Variants in ADA observed in about 807,000 individuals in gnomAD.
ADA encodes the protein adenosine deaminase.
In ADA, 45 loss-of-function variants were observed where a neutral mutation model predicts 49.0. The observed-to-expected ratio is 0.92, with a 90% CI of 0.72 to 1.18. ADA has a LOEUF of 1.18. ADA is among the 50% of genes most tolerant of loss of function. The probability of loss-of-function intolerance (pLI) is 0.00; values close to 1 mark genes in which losing one functional copy is unlikely to be tolerated. For synonymous variants in ADA, 173 were observed against 184.2 expected (o/e 0.94, Z 0.49); for missense variants, 445 against 472.5 (o/e 0.94, Z 0.54).
intron 3 of ADA, 92 bp downstream of exon 3, chr20:44,628,955 A>G: frequency 1.3e-6 from 2 of 1,590,830 alleles, no homozygotes; most frequent in Non-Finnish European, 1.7e-6. Flanking sequence ...TTTCAGAGCA[A>G]CTTCTCTGGC....
chr20:44,642,998 G>A (rs2065552230), intron 1 of ADA, among the ~76,000 whole-genome samples: 1 of 152,148 alleles, frequency 6.6e-6, no homozygotes, highest in South Asian at 2.1e-4. Flanking sequence ...CGCGTTTCAG[G>A]TGTGGAGCAG....
Position 44,624,196 on chromosome 20 carries a change from A to C in ADA, c.606+6T>G. On this transcript the variant is annotated splice_donor_region_variant and intron_variant, in intron 6 of 11. Transcript: ENST00000372874. ...CAGCCTCTCCATTCCTTCTCACAGG[A>C]CCCACCTGGTAGGCCTGGACATGTC... 6.2e-7 allele frequency: 1 copy of C among 1,608,738 alleles called. No individual in the cohort carries two copies. Among genetic ancestry groups the C allele is most frequent in the Non-Finnish European group, 8.5e-7 (1 of 1,177,392 alleles).
chr20:44,646,966 AGTT>A (rs2065598017), intron 1 of ADA, among the ~76,000 whole-genome samples: 1 of 152,062 alleles, frequency 6.6e-6, no homozygotes, highest in African/African-American at 2.4e-5. Flanking sequence ...TAATAAGTGA[AGTT>A]AATAATAGGA....
At chr20:44,621,301 C>T (rs894189073) in intron 9 of ADA, among the ~76,000 whole-genome samples, 154 bp from the exon 10 acceptor site, 42 of 152,310 alleles carry the variant, frequency 2.8e-4, no homozygotes, top group African/African-American at 1.0e-3. Flanking sequence ...AAATTCAGAA[C>T]TTAGGTGACT....
At chr20:44,641,361 A>G (rs8119756) in intron 1 of ADA, among the ~76,000 whole-genome samples, 12,556 of 152,236 alleles carry the variant, frequency 0.082, 680 homozygotes, top group East Asian at 0.16. Flanking sequence ...GGTAGAATCC[A>G]CATGGGAATA....
At chr20:44,627,183 C>CTTT (rs35587028) in intron 3 of ADA, among the ~76,000 whole-genome samples, 1,504 of 140,680 alleles carry the variant, frequency 0.011, 31 homozygotes, top group African/African-American at 0.038. Context: ...ACCACCTTAT[C>CTTT]TTTTTTTTTT....
At chr20:44,626,208 G>T in intron 4 of ADA, 1 of 592,860 alleles carries the variant, frequency 1.7e-6, no homozygotes, top group Non-Finnish European at 3.0e-6. Context: ...CTGGACAGCA[G>T]GCCTGTGGCC....
chr20:44,633,155 T>C (rs576198276), intron 2 of ADA, among the ~76,000 whole-genome samples: 1 of 152,214 alleles, frequency 6.6e-6, no homozygotes, highest in East Asian at 1.9e-4. Flanking sequence ...GTCAAGTCCA[T>C]CTCCCACCCC....
intron 10 of ADA, 104 bp downstream of exon 10, chr20:44,620,914 G>A (rs1348559794): frequency 6.6e-7 from 1 of 1,515,184 alleles, no homozygotes; most frequent in Non-Finnish European, 9.1e-7. Context: ...GACTGTTGAG[G>A]CAGACTCACT....
intron 3 of ADA, among the ~76,000 whole-genome samples, chr20:44,627,655 C>T (rs1170417790): frequency 1.3e-5 from 2 of 152,220 alleles, no homozygotes; most frequent in Admixed American, 6.5e-5. Context: ...GGGATGGCTG[C>T]GACCTCTCAG....
At chr20:44,651,228 T>A (rs1459414740) in intron 1 of ADA, among the ~76,000 whole-genome samples, 4 of 152,182 alleles carry the variant, frequency 2.6e-5, no homozygotes, top group Non-Finnish European at 4.4e-5. Flanking sequence ...GGCGTAGACA[T>A]CGGGCCTGAT....
chr20:44,628,944 G>A, intron 3 of ADA, 103 bp downstream of exon 3: 1 of 1,561,202 alleles, frequency 6.4e-7, no homozygotes, highest in South Asian at 1.1e-5. Flanking sequence ...GACAGCTGTG[G>A]TTTCAGAGCA....
At chr20:44,644,769 G>T (rs1258875749) in intron 1 of ADA, among the ~76,000 whole-genome samples, 1 of 152,218 alleles carries the variant, frequency 6.6e-6, no homozygotes, top group African/African-American at 2.4e-5. Flanking sequence ...CGCCAGCTCC[G>T]AGGTACACAG....
rs528390681 is a variant in ADA, at chr20:44,629,046, C to T, written c.218+1G>A. The T allele has an allele frequency of 6.8e-6, 11 of 1,614,164 alleles. No individual in the cohort carries two copies. Among genetic ancestry groups the T allele is most frequent in the Admixed American group, 3.3e-5 (2 of 60,026 alleles). ...GGACCTGTGGGTTGGGGGCAACTCA[C>T]GCGATAGCAGGCATGTAGTAGTCAA... On this transcript the variant is annotated splice_donor_variant, in intron 3 of 11. Transcript: ENST00000372874. LOFTEE classifies it high-confidence loss of function.
At chr20:44,631,717 C>T (rs781608231) in intron 2 of ADA, among the ~76,000 whole-genome samples, 3 of 152,176 alleles carry the variant, frequency 2.0e-5, no homozygotes, top group Non-Finnish European at 4.4e-5. Context: ...CCTGGCCAGG[C>T]CAACTCATCT....
Position 44,629,047 on chromosome 20 carries a change from G to T in ADA, c.218C>A (p.Ala73Glu). 6.2e-7 allele frequency: 1 copy of T among 1,614,190 alleles called. No individual in the cohort carries two copies. The highest frequency in any genetic ancestry group is 1.3e-5 in the African/African-American group (1 of 75,058). Residue 73 changes from alanine to glutamate, a missense_variant and splice_region_variant, in exon 3 of 12, where the codon GCG (alanine) becomes GAG (glutamate). By Grantham distance (107) the Ala-to-Glu change is moderately radical. Coordinates refer to ENST00000372874, the MANE Select transcript of ADA (RefSeq NM_000022.4). ...GACCTGTGGGTTGGGGGCAACTCACGCGATAGCAGGCATGTAGTAGTCAAA... is the reference window on the plus strand; with the variant it reads ...GACCTGTGGGTTGGGGGCAACTCACTCGATAGCAGGCATGTAGTAGTCAAA... ...AKFDYYMPAI[A>E]GCREAIKRIA... is the part of the protein sequence containing the mutation.
chr20:44,627,796 G>A (rs56062745), intron 3 of ADA, among the ~76,000 whole-genome samples: 7,723 of 152,288 alleles, frequency 0.051, 248 homozygotes, highest in Middle Eastern at 0.15. Flanking sequence ...TGGGAGACAC[G>A]TGGGATACAG....
At chr20:44,642,303 C>T (rs540273265) in intron 1 of ADA, among the ~76,000 whole-genome samples, 1 of 152,178 alleles carries the variant, frequency 6.6e-6, no homozygotes, top group Non-Finnish European at 1.5e-5. Context: ...CACAAGGTAG[C>T]CTCTCCTGCC....
chr20:44,643,699 T>C (rs2065559201), intron 1 of ADA, among the ~76,000 whole-genome samples: 2 of 152,096 alleles, frequency 1.3e-5, no homozygotes, highest in African/African-American at 4.8e-5. Flanking sequence ...TCCTGACCTC[T>C]CCAGAGGGGA....
Sources: gnomAD v4.1 joint callset for allele counts (sites outside exome capture counted in the v4.1 genomes callset) on GRCh38, gnomAD v4.1.1 for gene constraint, MANE v1.5 for transcripts, NCBI Gene and HGNC (gene_info 2026-07-23, HGNC 2026-07-21) for gene names.